The following VPS50 variants were observed in gnomAD, a reference collection of about 807,000 sequenced individuals.
VPS50 encodes VPS50 subunit of EARP/GARPII complex.
VPS50 carries 70 observed loss-of-function variants against 139.7 expected under a neutral mutation model. That is an observed-to-expected ratio of 0.50 (90% confidence interval 0.41 to 0.61). The LOEUF is 0.61. VPS50 is among the 20% of genes least tolerant of loss of function. VPS50 has a pLI of 0.00. For synonymous variants in VPS50, 365 were observed against 376.7 expected, an observed-to-expected ratio of 0.97 and a Z score of 0.36; for missense variants, 921 against 1,133.7, an observed-to-expected ratio of 0.81 and a Z score of 2.69.
chr7:93,355,183 C>T (rs1798670968), intron 26 of VPS50, among the ~76,000 whole-genome samples: 1 of 149,360 alleles, frequency 6.7e-6, no homozygotes, highest in African/African-American at 2.5e-5. Context: ...TGCAACTTTC[C>T]TTAAGGTAAG....
chr7:93,248,269 T>G (rs1795215326), intron 2 of VPS50, among the ~76,000 whole-genome samples: 1 of 152,038 alleles, frequency 6.6e-6, no homozygotes. Flanking sequence ...CCCCCAATTT[T>G]GCCTTGTAAT....
intron 11 of VPS50, among the ~76,000 whole-genome samples, chr7:93,273,986 C>T (rs1426640754): frequency 6.6e-6 from 1 of 151,916 alleles, no homozygotes; most frequent in African/African-American, 2.4e-5. Flanking sequence ...TTTTGTGGTC[C>T]ATGGGACTGT....
At chr7:93,239,094 T>C (rs1794903370) in intron 1 of VPS50, among the ~76,000 whole-genome samples, 2 of 152,176 alleles carry the variant, frequency 1.3e-5, no homozygotes, top group Non-Finnish European at 2.9e-5. Flanking sequence ...ATAGGGCACC[T>C]AAAGGACAAT....
chr7:93,259,414 CA>C, intron 8 of VPS50, 135 bp from the exon 9 acceptor site: 1 of 513,202 alleles, frequency 1.9e-6, no homozygotes, highest in Non-Finnish European at 3.5e-6. Flanking sequence ...ACTTATCTAT[CA>C]TTGATATTCT....
At chr7:93,285,558 T>A (rs1796459755) in intron 12 of VPS50, among the ~76,000 whole-genome samples, 2 of 152,210 alleles carry the variant, frequency 1.3e-5, no homozygotes, top group South Asian at 4.1e-4. Flanking sequence ...TAAAGGCTGC[T>A]TATATTAATT....
chr7:93,252,820 A>G, intron 3 of VPS50, 45 bp downstream of exon 3: 1 of 1,493,114 alleles, frequency 6.7e-7, no homozygotes, highest in Non-Finnish European at 9.1e-7. Flanking sequence ...TGTTTTGTTC[A>G]GTGATTGGAT....
chr7:93,256,470 G>T, intron 4 of VPS50, 39 bp from the exon 5 acceptor site: 1 of 970,114 alleles, frequency 1.0e-6, no homozygotes. Flanking sequence ...CATGAAGTTT[G>T]TTCTTTTATT....
chr7:93,356,903 ACT>A (rs1202664738), intron 27 of VPS50, among the ~76,000 whole-genome samples: 1 of 152,168 alleles, frequency 6.6e-6, no homozygotes, highest in East Asian at 1.9e-4. Context: ...TGGCCTTAAC[ACT>A]GTAAAGAGAT....
At chr7:93,260,882 G>A (rs1795648831) in intron 9 of VPS50, among the ~76,000 whole-genome samples, 1 of 152,110 alleles carries the variant, frequency 6.6e-6, no homozygotes, top group Admixed American at 6.6e-5. Context: ...TTTTAGTAGA[G>A]ATGGGGTTTT....
intron 17 of VPS50, among the ~76,000 whole-genome samples, chr7:93,303,881 A>G (rs1484023472): frequency 6.6e-6 from 1 of 151,838 alleles, no homozygotes; most frequent in Admixed American, 6.6e-5. Flanking sequence ...CAGATAATCA[A>G]TTAGCTATAT....
intron 23 of VPS50, among the ~76,000 whole-genome samples, chr7:93,344,228 AAAG>A (rs968185657): frequency 1.1e-4 from 17 of 152,210 alleles, no homozygotes; most frequent in Admixed American, 2.0e-4. Flanking sequence ...CAAAAGAGAC[AAAG>A]AAGGCCATTA....
At chr7:93,289,074 T>C (rs1258286741) in intron 12 of VPS50, among the ~76,000 whole-genome samples, 1 of 152,046 alleles carries the variant, frequency 6.6e-6, no homozygotes, top group Non-Finnish European at 1.5e-5. Context: ...CATTAGAAAC[T>C]CTGTTAGGTG....
intron 21 of VPS50, among the ~76,000 whole-genome samples, chr7:93,327,280 GTTAAT>G (rs1413054810): frequency 6.6e-6 from 1 of 152,124 alleles, no homozygotes; most frequent in African/African-American, 2.4e-5. Context: ...TCCAATTTTA[GTTAAT>G]TTAATCTTTA....
At position 93,347,988 on chromosome 7, in the gene VPS50, A is replaced by G. The variant is rs537506276; in HGVS notation, c.2208-723A>G. On this transcript the variant is annotated intron_variant, in intron 23 of 27. Transcript: ENST00000305866. ...AAAGTATTATAATAATAATAATTAA[A>G]AAAAAGAAAAAAAAAAGAATGCTTC... Among the ~76,000 whole-genome samples the G allele has an allele frequency of 1.3e-3, 191 of 152,230 alleles. No homozygotes were observed. In the Middle Eastern group the frequency reaches 0.02, roughly 16 times the overall value.
chr7:93,275,426 C>G (rs915388782), intron 11 of VPS50, among the ~76,000 whole-genome samples: 1 of 152,120 alleles, frequency 6.6e-6, no homozygotes, highest in Non-Finnish European at 1.5e-5. Context: ...CTTTAGCAAC[C>G]AGCACCCTGA....
At chr7:93,295,934 C>T (rs1796796546) in intron 14 of VPS50, among the ~76,000 whole-genome samples, 1 of 152,104 alleles carries the variant, frequency 6.6e-6, no homozygotes, top group African/African-American at 2.4e-5. Context: ...CTATGTTGCC[C>T]AGACTGGTCT....
intron 13 of VPS50, 152 bp from the exon 14 acceptor site, chr7:93,294,393 A>G (rs975815971): frequency 3.0e-5 from 19 of 638,854 alleles, no homozygotes; most frequent in Non-Finnish European, 4.6e-5. Flanking sequence ...TCTAATACCT[A>G]TTGTTTGATA....
intron 22 of VPS50, 38 bp from the exon 23 acceptor site, chr7:93,341,389 A>G (rs758136977): frequency 1.3e-6 from 2 of 1,486,556 alleles, no homozygotes; most frequent in East Asian, 2.4e-5. Flanking sequence ...TTACTGTTAG[A>G]TTTGTTATTC....
In VPS50 at chr7:93,345,089, A is replaced by C. The variant is rs561835034; in HGVS notation, c.2207+3514A>C. Among the ~76,000 whole-genome samples the C allele has an allele frequency of 3.2e-3, 485 of 152,342 alleles. 1 individual carries two copies. The highest frequency in any genetic ancestry group is 4.6e-3 in the Non-Finnish European group (312 of 68,036). The stretch of plus-strand genomic sequence containing the variant: ...AAATTGATAGACTGCTAGCAAGACT[A>C]ATAAAGAAAAAAAGAGAGAAGAATC... On this transcript the variant is annotated intron_variant, in intron 23 of 27. Coordinates refer to ENST00000305866, the MANE Select transcript of VPS50 (RefSeq NM_017667.4).
Sources: allele counts gnomAD v4.1 joint callset (sites outside exome capture counted in the v4.1 genomes callset), GRCh38; gene constraint gnomAD v4.1.1; transcripts MANE v1.5; gene names NCBI Gene and HGNC (gene_info 2026-07-23, HGNC 2026-07-21).